The following ACOT7 variants were observed in gnomAD, a reference collection of about 807,000 sequenced individuals.
The protein encoded by ACOT7 is cytosolic acyl coenzyme A thioester hydrolase.
ACOT7 carries 12 observed loss-of-function variants against 40.2 expected under a neutral mutation model. The ratio of observed to expected loss-of-function variants is 0.30; its 90% CI spans 0.19 to 0.48. The LOEUF is 0.48. Among genes scored for constraint, ACOT7 ranks in the 20% least tolerant of loss-of-function variants. ACOT7 has a pLI of 0.99. For synonymous variants in ACOT7, 228 were observed against 219.5 expected, an observed-to-expected ratio of 1.04 and a Z score of -0.34; for missense variants, 395 against 530.8, an observed-to-expected ratio of 0.74 and a Z score of 2.51.
chr1:6,374,085 G>A (rs998738836), intron 1 of ACOT7, among the ~76,000 whole-genome samples: 4 of 152,264 alleles, frequency 2.6e-5, no homozygotes, highest in Admixed American at 6.5e-5. Flanking sequence ...TCTACTTGAG[G>A]CACTTACTCT....
chr1:6,292,921 A>G (rs1201902256), intron 7 of ACOT7, among the ~76,000 whole-genome samples: 9 of 122,270 alleles, frequency 7.4e-5, no homozygotes, highest in South Asian at 2.5e-4. Flanking sequence ...ACGGAGTCTC[A>G]CTCTGTCGCC....
intron 8 of ACOT7, among the ~76,000 whole-genome samples, chr1:6,268,508 T>C (rs1638919453): frequency 6.6e-6 from 1 of 152,230 alleles, no homozygotes; most frequent in African/African-American, 2.4e-5. Context: ...AGACGGGGAC[T>C]TGGCTTTACA....
rs1024409190 is a variant in ACOT7, at chr1:6,302,016, T to C, written c.713-7036A>G. On this transcript the variant is annotated intron_variant, in intron 6 of 8. Coordinates refer to ENST00000361521, the MANE Select transcript of ACOT7 (RefSeq NM_007274.4). ...CAAGACTGGTGGATGGAGTCAGTGC[T>C]ATTCTGGGGCCCAGGCCAGGGGGGC... Among the ~76,000 whole-genome samples the C allele has an allele frequency of 5.3e-5, 8 of 152,356 alleles. 1 individual carries two copies. Among genetic ancestry groups the C allele is most frequent in the African/African-American group, 9.6e-5 (4 of 41,588 alleles).
chr1:6,347,473 TAAC>T (rs1641462345), intron 2 of ACOT7, among the ~76,000 whole-genome samples: 1 of 152,112 alleles, frequency 6.6e-6, no homozygotes, highest in African/African-American at 2.4e-5. Flanking sequence ...ATAATAAAAA[TAAC>T]AACAGCAGCT....
At chr1:6,325,253 T>C (rs755815222) in intron 5 of ACOT7, among the ~76,000 whole-genome samples, 16 of 151,776 alleles carry the variant, frequency 1.1e-4, no homozygotes, top group Non-Finnish European at 1.9e-4. Flanking sequence ...AAAAAATAAG[T>C]GGGGCATGGT....
intron 6 of ACOT7, among the ~76,000 whole-genome samples, chr1:6,300,024 C>G (rs1248526038): frequency 6.6e-6 from 1 of 152,200 alleles, no homozygotes; most frequent in African/African-American, 2.4e-5. Flanking sequence ...CAGCTGAGCA[C>G]AGGAATGACG....
In ACOT7 at chr1:6,352,804, T is replaced by C. The variant is rs3885267; in HGVS notation, c.144-2938A>G. On this transcript the variant is annotated intron_variant, in intron 1 of 8. Transcript: ENST00000361521. The surrounding 1 kb of genome is among the most constrained non-coding windows in gnomAD (Gnocchi z 4.5). ...TTCACCGTATTAGCCAGGATGGTCT[T>C]GATCTCCTGACCTCGTTCGTGATCC... Among the ~76,000 whole-genome samples, 12,839 of 152,078 alleles carry C rather than the reference T, an allele frequency of 0.084. 932 individuals are homozygous for C. The highest frequency in any genetic ancestry group is 0.19 in the African/African-American group (7,885 of 41,460).
At chr1:6,304,648 C>T (rs1425982041) in intron 6 of ACOT7, among the ~76,000 whole-genome samples, 2 of 132,738 alleles carry the variant, frequency 1.5e-5, no homozygotes, top group Non-Finnish European at 3.1e-5. Flanking sequence ...CATCTTGCAC[C>T]GCCCTTAATC....
At chr1:6,287,633 C>A (rs1357610064) in intron 7 of ACOT7, among the ~76,000 whole-genome samples, 7 of 152,206 alleles carry the variant, frequency 4.6e-5, no homozygotes, top group Non-Finnish European at 7.3e-5. Flanking sequence ...CCCGTGAGCG[C>A]TGGCAGGTAC....
chr1:6,368,592 CAGTGGGCTCTGGGAGACTCCCAGGGG>C (rs1642066034), intron 1 of ACOT7, among the ~76,000 whole-genome samples: 1 of 152,216 alleles, frequency 6.6e-6, no homozygotes, highest in South Asian at 2.1e-4. Context: ...GCTCCCAGGG[CAGTGGGCTCTGGGAGACTCCCAGGGG>C]TAGACTCCAG....
chr1:6,387,082 G>T (rs919636617), intron 1 of ACOT7, among the ~76,000 whole-genome samples: 1 of 152,120 alleles, frequency 6.6e-6, no homozygotes, highest in Non-Finnish European at 1.5e-5. Context: ...ACACAGGAGC[G>T]AGGCCCAGCA....
intron 1 of ACOT7, among the ~76,000 whole-genome samples, chr1:6,387,114 C>T (rs957603018): frequency 6.6e-6 from 1 of 151,934 alleles, no homozygotes; most frequent in Admixed American, 6.6e-5. Flanking sequence ...CCGGTTCCAT[C>T]GACACGAAAT....
At position 6,393,405 on chromosome 1, in the gene ACOT7, G is replaced by A; in HGVS notation, c.-6C>T. 8.1e-7 allele frequency: 1 copy of A among 1,228,516 alleles called. No homozygotes were observed. Among genetic ancestry groups the A allele is most frequent in the Non-Finnish European group, 1.0e-6 (1 of 981,534 alleles). The allele number at this position is 1,228,516 out of a possible 1,614,324, so 76.1% of individuals were successfully genotyped here. The stretch of plus-strand genomic sequence containing the variant: ...ATGAGCCCGGGCCGCGCCATAAAGG[G>A]GGAGGGCAGAGGTGGAGCGATGGGG... On this transcript the variant is annotated 5_prime_UTR_variant, in exon 1 of 9. Transcript: ENST00000361521.
At position 6,289,623 on chromosome 1, in the gene ACOT7, C is replaced by T. The variant is rs117624150; in HGVS notation, c.829+5241G>A. On this transcript the variant is annotated intron_variant, in intron 7 of 8. Transcript: ENST00000361521. This position sits in a 1 kb window ranked among gnomAD's most constrained non-coding sequence, Gnocchi z 4.6. ...TCCAGGGCTCAAGTGATCTTCCTGC[C>T]TCAGCCTCACAAAGTGTTGGAATTA... Among the ~76,000 whole-genome samples the T allele has an allele frequency of 2.0e-5, 3 of 152,148 alleles. No homozygotes were observed. Among genetic ancestry groups the T allele is most frequent in the East Asian group, 1.9e-4 (1 of 5,180 alleles).
chr1:6,280,227 A>T (rs1639315890), intron 8 of ACOT7, among the ~76,000 whole-genome samples: 1 of 152,230 alleles, frequency 6.6e-6, no homozygotes, highest in African/African-American at 2.4e-5. Flanking sequence ...GGAAGCTCCT[A>T]CAGCTCTGCT....
At chr1:6,380,325 T>G (rs563550328) in intron 1 of ACOT7, among the ~76,000 whole-genome samples, 1 of 151,136 alleles carries the variant, frequency 6.6e-6, no homozygotes, top group East Asian at 1.9e-4. Flanking sequence ...TTCGGCCGGG[T>G]GTGGTGGCTC....
chr1:6,358,870 G>C lies in ACOT7; in HGVS notation c.144-9004C>G, dbSNP rs759108982. ...TGGTGGCTAGGACATCCCAGGATCAGATGCAGAGAAAGGCGAGGGAGCAGG... is the reference window on the plus strand; with the variant it reads ...TGGTGGCTAGGACATCCCAGGATCACATGCAGAGAAAGGCGAGGGAGCAGG... On this transcript the variant is annotated intron_variant, in intron 1 of 8. Transcript: ENST00000361521. The surrounding 1 kb of genome is among the most constrained non-coding windows in gnomAD (Gnocchi z 4.1). The C allele has an allele frequency of 9.2e-5, 149 of 1,613,578 alleles. No individual in the cohort carries two copies. The highest frequency in any genetic ancestry group is 1.2e-4 in the Non-Finnish European group (142 of 1,179,776).
Position 6,269,774 on chromosome 1 carries a change from G to A in ACOT7, c.1015-5079C>T, listed in dbSNP as rs555424184. Among the ~76,000 whole-genome samples, 41 of 152,360 alleles carry A rather than the reference G, an allele frequency of 2.7e-4. 1 individual carries two copies. In the South Asian group the frequency reaches 4.3e-3, roughly 16 times the overall value. On this transcript the variant is annotated intron_variant, in intron 8 of 8. Transcript: ENST00000361521. ...CTGTGAGGGCCCCACTGCTCTTCCC[G>A]TCTCCCGGGATGGTAGTATCTGCTG...
chr1:6,318,410 T>A, intron 6 of ACOT7, 82 bp downstream of exon 6: 8 of 1,440,184 alleles, frequency 5.6e-6, no homozygotes, highest in Middle Eastern at 1.7e-4. Context: ...GCCTCAAGTG[T>A]GTCAGACAGC....
Sources: gnomAD v4.1 joint callset for allele counts (sites outside exome capture counted in the v4.1 genomes callset) on GRCh38, gnomAD v4.1.1 for gene constraint, Gnocchi (gnomAD v3.1) non-coding constraint, MANE v1.5 for transcripts, NCBI Gene and HGNC (gene_info 2026-07-23, HGNC 2026-07-21) for gene names.